PHF21A: variants seen among roughly 807,000 people sequenced by gnomAD.
PHF21A encodes the protein BHC80a.
A neutral mutation model predicts 82.5 loss-of-function variants in PHF21A; 11 were observed. That is an observed-to-expected ratio of 0.13 (90% CI 0.08 to 0.22). The LOEUF is 0.22. PHF21A is among the 10% of genes least tolerant of loss of function. The pLI is 1.00. For missense variants in PHF21A, 579 were observed against 837.8 expected (o/e 0.69, Z 3.81); for synonymous variants, 297 against 302.8 (o/e 0.98, Z 0.20).
At chr11:45,948,556 T>C (rs2091639674) in intron 14 of PHF21A, among the ~76,000 whole-genome samples, 2 of 152,266 alleles carry the variant, frequency 1.3e-5, no homozygotes. Context: ...TTCTGCTTAA[T>C]GACTCTCAAA....
chr11:46,096,815 C>T (rs2097003647), intron 1 of PHF21A, among the ~76,000 whole-genome samples: 1 of 152,178 alleles, frequency 6.6e-6, no homozygotes, highest in South Asian at 2.1e-4. Flanking sequence ...GAATTCCAAA[C>T]TCATATACCC....
intron 6 of PHF21A, among the ~76,000 whole-genome samples, chr11:46,054,509 A>G (rs149348170): frequency 6.6e-6 from 1 of 152,294 alleles, no homozygotes; most frequent in East Asian, 1.9e-4. Context: ...CAACTGGTCT[A>G]AGGTGCAGCC....
intron 10 of PHF21A, among the ~76,000 whole-genome samples, chr11:45,962,317 A>C (rs2093140227): frequency 6.6e-6 from 1 of 152,212 alleles, no homozygotes; most frequent in Non-Finnish European, 1.5e-5. Context: ...AACTGTGAAC[A>C]GGTGTGAACA....
At chr11:46,028,060 T>C (rs563595964) in intron 6 of PHF21A, among the ~76,000 whole-genome samples, 9 of 152,092 alleles carry the variant, frequency 5.9e-5, no homozygotes, top group African/African-American at 2.2e-4. Context: ...GCTGATTCTC[T>C]AAATTCTTGA....
intron 6 of PHF21A, among the ~76,000 whole-genome samples, chr11:46,022,565 A>C (rs1014542401): frequency 6.6e-6 from 1 of 152,192 alleles, no homozygotes; most frequent in African/African-American, 2.4e-5. Context: ...GGGCTCAAGC[A>C]ATCCTCCAGC....
chr11:46,042,324 G>A (rs1308958546), intron 6 of PHF21A, among the ~76,000 whole-genome samples: 1 of 152,056 alleles, frequency 6.6e-6, no homozygotes, highest in Non-Finnish European at 1.5e-5. Flanking sequence ...TTTAAACTGG[G>A]AGCTAGAATT....
At chr11:45,972,606 C>G (rs909022876) in intron 7 of PHF21A, among the ~76,000 whole-genome samples, 1 of 152,114 alleles carries the variant, frequency 6.6e-6, no homozygotes, top group African/African-American at 2.4e-5. Context: ...GGCGAAAGCC[C>G]GTCTCTACTA....
Position 45,971,104 on chromosome 11 carries a change from C to G in PHF21A, c.612+12G>C, listed in dbSNP as rs1392326564. ...TCATGTGATCACACATGAGGAGCAGCTGCTGGCTTACCAGAGTGACTGTGT... is the reference window on the plus strand; with the variant it reads ...TCATGTGATCACACATGAGGAGCAGGTGCTGGCTTACCAGAGTGACTGTGT... On this transcript the variant is annotated intron_variant, in intron 8 of 18. Coordinates refer to ENST00000676320, the MANE Select transcript of PHF21A (RefSeq NM_001352027.3). 1.9e-6 allele frequency: 3 copies of G among 1,613,756 alleles called. No individual in the cohort carries two copies. The highest frequency in any genetic ancestry group is 2.7e-5 in the African/African-American group (2 of 75,048).
intron 14 of PHF21A, among the ~76,000 whole-genome samples, chr11:45,948,642 A>G (rs944091932): frequency 6.6e-6 from 1 of 152,254 alleles, no homozygotes; most frequent in Non-Finnish European, 1.5e-5. Flanking sequence ...GAAATGCTAC[A>G]TTAAGCCATT....
chr11:46,089,357 AT>A (rs1441057201), intron 3 of PHF21A, among the ~76,000 whole-genome samples: 3 of 152,186 alleles, frequency 2.0e-5, no homozygotes, highest in African/African-American at 4.8e-5. Flanking sequence ...AATGCAAAAA[AT>A]AATAAAATTC....
At chr11:46,055,663 G>A (rs920021817) in intron 6 of PHF21A, among the ~76,000 whole-genome samples, 3 of 152,088 alleles carry the variant, frequency 2.0e-5, no homozygotes, top group Non-Finnish European at 4.4e-5. Flanking sequence ...ATCATCAAAG[G>A]AATGTCAGGC....
At chr11:45,970,999 T>C (rs1272454708) in intron 8 of PHF21A, 117 bp downstream of exon 8, 2 of 1,246,938 alleles carry the variant, frequency 1.6e-6, no homozygotes, top group Non-Finnish European at 1.1e-6. Flanking sequence ...GAATTTGGTA[T>C]GCTAGAAGAA....
rs552633228 is a variant in PHF21A at position 46,080,670 on chromosome 11, T to C, written c.55-1504A>G. 3.9e-5 allele frequency among the ~76,000 whole-genome samples: 6 copies of C among 152,142 alleles called. No homozygotes were observed. In the South Asian group the frequency reaches 1.2e-3, roughly 32 times the overall value. ...GCACATTTTGCTACTATTCTTTTTT[T>C]GTTTTTTGTTTTTTAAAGATGGGGT... On this transcript the variant is annotated intron_variant, in intron 4 of 18. Transcript: ENST00000676320.
chr11:46,082,896 T>C (rs1049224310), intron 4 of PHF21A, among the ~76,000 whole-genome samples: 1 of 152,178 alleles, frequency 6.6e-6, no homozygotes, highest in African/African-American at 2.4e-5. Context: ...ATCTCAATAC[T>C]TCTTCAGAGG....
chr11:46,042,767 C>T (rs1275286222), intron 6 of PHF21A, among the ~76,000 whole-genome samples: 1 of 151,972 alleles, frequency 6.6e-6, no homozygotes, highest in Non-Finnish European at 1.5e-5. Context: ...GCTTGTTTTT[C>T]CCCTTCTGCC....
chr11:45,987,984 A>G (rs1172392784), intron 6 of PHF21A, among the ~76,000 whole-genome samples: 3 of 152,206 alleles, frequency 2.0e-5, no homozygotes, highest in Non-Finnish European at 4.4e-5. Context: ...AGATGGCTGC[A>G]CAGTAGCTGT....
intron 1 of PHF21A, among the ~76,000 whole-genome samples, chr11:46,116,219 A>T (rs1299882653): frequency 6.6e-6 from 1 of 152,212 alleles, no homozygotes; most frequent in Non-Finnish European, 1.5e-5. Flanking sequence ...ACTCCTCTAG[A>T]TTTGAGTAGT....
intron 6 of PHF21A, among the ~76,000 whole-genome samples, chr11:45,981,589 A>G (rs1419673722): frequency 2.6e-5 from 4 of 152,098 alleles, no homozygotes; most frequent in Non-Finnish European, 5.9e-5. Flanking sequence ...TTCCTCTCAT[A>G]TCTCATACAC....
At chr11:46,093,899 G>C (rs1277946834) in intron 1 of PHF21A, among the ~76,000 whole-genome samples, 1 of 152,072 alleles carries the variant, frequency 6.6e-6, no homozygotes, top group Non-Finnish European at 1.5e-5. Context: ...TGTTGATTAG[G>C]AAGTAAAATA....
Sources: allele counts gnomAD v4.1 joint callset (sites outside exome capture counted in the v4.1 genomes callset), GRCh38; gene constraint gnomAD v4.1.1; transcripts MANE v1.5; gene names NCBI Gene and HGNC (gene_info 2026-07-23, HGNC 2026-07-21).